The following FAM20B variants were observed in gnomAD, a reference collection of about 807,000 sequenced individuals.
FAM20B encodes FAM20B glycosaminoglycan xylosylkinase.
FAM20B carries 23 observed loss-of-function variants against 43.8 expected under a neutral mutation model. That is an observed-to-expected ratio of 0.53 (90% confidence interval 0.38 to 0.74). FAM20B has a LOEUF of 0.74. Ranked by LOEUF, FAM20B falls within the 30% of genes least tolerant of loss-of-function variation. The pLI, the probability that FAM20B is intolerant of heterozygous loss-of-function variation, is 0.00. For synonymous variants in FAM20B, 178 were observed against 192.4 expected, an observed-to-expected ratio of 0.93 and a Z score of 0.62; for missense variants, 440 against 510.5, an observed-to-expected ratio of 0.86 and a Z score of 1.33.
intron 1 of FAM20B, 58 bp downstream of exon 1, chr1:179,026,156 G>A (rs1649762372): frequency 6.7e-6 from 1 of 148,268 alleles, no homozygotes; most frequent in East Asian, 2.0e-4. Flanking sequence ...GCGGCGGGCG[G>A]GAAAATGCGG....
chr1:179,043,660 A>G (rs779957391), intron 1 of FAM20B, 55 bp from the exon 2 acceptor site: 93 of 542,542 alleles, frequency 1.7e-4, no homozygotes, highest in Admixed American at 6.2e-4. Context: ...CAAAAGATTC[A>G]GGGGTGGAAG....
intron 1 of FAM20B, among the ~76,000 whole-genome samples, chr1:179,029,059 A>G (rs1009056296): frequency 1.3e-5 from 2 of 152,286 alleles, no homozygotes; most frequent in Non-Finnish European, 2.9e-5. Flanking sequence ...CCTTGCTCCT[A>G]CAGTCTGTTC....
chr1:179,018,833 G>T, the FAM20B span, among the ~76,000 whole-genome samples: 1 of 152,104 alleles, frequency 6.6e-6, no homozygotes, highest in Non-Finnish European at 1.5e-5. Context: ...ATTGGCTCAC[G>T]TGAATATGGA....
chr1:179,022,057 G>T (rs1040979132), upstream of FAM20B, among the ~76,000 whole-genome samples: 6 of 152,200 alleles, frequency 3.9e-5, no homozygotes, highest in African/African-American at 1.4e-4. Flanking sequence ...ATTGACAGGG[G>T]TGCCACGTGA....
intron 1 of FAM20B, among the ~76,000 whole-genome samples, chr1:179,036,024 G>A (rs151175662): frequency 5.9e-5 from 9 of 152,284 alleles, no homozygotes; most frequent in South Asian, 4.1e-4. Flanking sequence ...CTGCTACTTG[G>A]GAGGCTGAGG....
rs1651982356 is a variant in FAM20B, at chr1:179,072,819, A to G, written c.*675A>G. The G allele has an allele frequency of 6.6e-6, 1 of 152,224 alleles. No homozygotes were observed. The highest frequency in any genetic ancestry group is 1.5e-5 in the Non-Finnish European group (1 of 68,048). 9.4% of individuals were successfully genotyped at this position (152,224 alleles called of 1,614,324 possible). ...AGAACCAGAATCAGGGAGATGACTG[A>G]ACTACTGAAAAACAGGTTCCCTTGT... On this transcript the variant is annotated 3_prime_UTR_variant, in exon 8 of 8. Transcript: ENST00000263733.
upstream of FAM20B, among the ~76,000 whole-genome samples, chr1:179,023,804 A>T (rs1328645691): frequency 6.6e-6 from 1 of 152,164 alleles, no homozygotes; most frequent in East Asian, 1.9e-4. Flanking sequence ...GTGATCACAG[A>T]GTCTGTGCTG....
chr1:179,052,213 A>G (rs1396452802), intron 3 of FAM20B, among the ~76,000 whole-genome samples: 1 of 152,190 alleles, frequency 6.6e-6, no homozygotes, highest in Non-Finnish European at 1.5e-5. Context: ...ATGTGTTTAT[A>G]CAAACATATG....
chr1:179,032,302 G>A (rs993087800), intron 1 of FAM20B, among the ~76,000 whole-genome samples: 1 of 140,948 alleles, frequency 7.1e-6, no homozygotes, highest in Non-Finnish European at 1.5e-5. Flanking sequence ...AACACATGTA[G>A]AGGTCTCATT....
intron 1 of FAM20B, among the ~76,000 whole-genome samples, chr1:179,033,889 C>T (rs1650110738): frequency 6.6e-6 from 1 of 152,132 alleles, no homozygotes; most frequent in Non-Finnish European, 1.5e-5. Flanking sequence ...GATGGGGTTT[C>T]ACCATGTTGG....
At chr1:179,025,526 A>G (rs570650240), upstream of FAM20B, among the ~76,000 whole-genome samples, 30 of 152,232 alleles carry the variant, frequency 2.0e-4, no homozygotes, top group South Asian at 8.3e-4. Flanking sequence ...GGGGACCGCA[A>G]CTCTCCAGTC....
At chr1:179,049,203 C>G (rs1024473213) in intron 2 of FAM20B, among the ~76,000 whole-genome samples, 1 of 152,118 alleles carries the variant, frequency 6.6e-6, no homozygotes, top group Non-Finnish European at 1.5e-5. Context: ...GATAGAAAAT[C>G]ATCAGAATGC....
chr1:179,057,937 G>C (rs1398821782), intron 4 of FAM20B, among the ~76,000 whole-genome samples: 1 of 152,130 alleles, frequency 6.6e-6, no homozygotes, highest in Non-Finnish European at 1.5e-5. Context: ...CTCTTAGGTA[G>C]ATACAGTGGG....
At chr1:179,029,160 C>G (rs1649907471) in intron 1 of FAM20B, among the ~76,000 whole-genome samples, 1 of 152,238 alleles carries the variant, frequency 6.6e-6, no homozygotes, top group Admixed American at 6.5e-5. Flanking sequence ...ATGTCAATAG[C>G]ATTGACCTGA....
chr1:179,051,155 G>T (rs1404235487), intron 3 of FAM20B, among the ~76,000 whole-genome samples: 3 of 150,996 alleles, frequency 2.0e-5, no homozygotes, highest in Admixed American at 2.0e-4. Context: ...AAATAGATGT[G>T]AATTATAAGT....
intron 5 of FAM20B, 61 bp downstream of exon 5, chr1:179,064,159 G>A (rs911023038): frequency 6.0e-6 from 9 of 1,490,066 alleles, no homozygotes; most frequent in Non-Finnish European, 8.3e-6. Flanking sequence ...TGCCAACTCT[G>A]TAAAGGAGCC....
At chr1:179,042,738 C>G (rs925854628) in intron 1 of FAM20B, among the ~76,000 whole-genome samples, 3 of 152,168 alleles carry the variant, frequency 2.0e-5, no homozygotes, top group Non-Finnish European at 4.4e-5. Flanking sequence ...GTGGATAGCT[C>G]TTTCTGCAGC....
chr1:179,063,469 T>A (rs568891550), intron 4 of FAM20B, among the ~76,000 whole-genome samples: 11 of 152,004 alleles, frequency 7.2e-5, no homozygotes, highest in Non-Finnish European at 1.5e-4. Flanking sequence ...ATACCTATAG[T>A]TCCAGCTACT....
chr1:179,038,968 G>A (rs1181408638), intron 1 of FAM20B, among the ~76,000 whole-genome samples: 1 of 152,224 alleles, frequency 6.6e-6, no homozygotes, highest in Non-Finnish European at 1.5e-5. Context: ...CCACTGCAAA[G>A]TGTTGCCCTC....
Sources: gnomAD v4.1 joint callset for allele counts (sites outside exome capture counted in the v4.1 genomes callset) on GRCh38, gnomAD v4.1.1 for gene constraint, MANE v1.5 for transcripts, NCBI Gene and HGNC (gene_info 2026-07-23, HGNC 2026-07-21) for gene names.